Variants in QSOX2 observed in about 807,000 individuals in gnomAD.
QSOX2 encodes the protein quiescin sulfhydryl oxidase 2.
A neutral mutation model predicts 61.7 loss-of-function variants in QSOX2; 46 were observed. The observed-to-expected ratio is 0.75, with a 90% CI of 0.59 to 0.95. QSOX2 has a LOEUF of 0.95. Among genes scored for constraint, QSOX2 ranks in the 40% least tolerant of loss-of-function variants. The probability of loss-of-function intolerance (pLI) is 0.00; values close to 1 mark genes in which losing one functional copy is unlikely to be tolerated. For missense variants in QSOX2, 879 were observed against 918.9 expected (o/e 0.96, Z 0.56); for synonymous variants, 383 against 388.4 (o/e 0.99, Z 0.16).
At chr9:136,220,359 G>A (rs534969442) in intron 6 of QSOX2, among the ~76,000 whole-genome samples, 8 of 152,298 alleles carry the variant, frequency 5.3e-5, no homozygotes, top group Admixed American at 3.3e-4. Context: ...AAGAAACTGC[G>A]GTGTTCTGGG....
In QSOX2 at chr9:136,209,962, C is replaced by G; in HGVS notation, c.1550-687G>C. ...CCTAGCTCTCGGAGCCCCTGCGACC[C>G]GACTTGCTGACACCTGGCCACCCTC... is the stretch of plus-strand genomic sequence containing the variant. On this transcript the variant is annotated intron_variant, in intron 11 of 11. Transcript: ENST00000358701. The surrounding 1 kb of genome is among the most constrained non-coding windows in gnomAD (Gnocchi z 5.6). 1.0e-6 allele frequency: 1 copy of G among 985,440 alleles called. No homozygotes were observed. Among genetic ancestry groups the G allele is most frequent in the Non-Finnish European group, 1.2e-6 (1 of 829,928 alleles). The allele number at this position is 985,440 out of a possible 1,614,324, so 61.0% of individuals were successfully genotyped here.
chr9:136,231,266 G>A (rs1830327197), intron 1 of QSOX2, among the ~76,000 whole-genome samples: 1 of 152,180 alleles, frequency 6.6e-6, no homozygotes, highest in Non-Finnish European at 1.5e-5. Flanking sequence ...ACTCCGACTA[G>A]CGTGTGACCA....
rs777754229 is a variant in QSOX2, at chr9:136,218,758, C to G, written c.1007G>C (p.Arg336Pro). 6.2e-7 allele frequency: 1 copy of G among 1,613,662 alleles called. No homozygotes were observed. The highest frequency in any genetic ancestry group is 8.5e-7 in the Non-Finnish European group (1 of 1,180,028). ...DLESGLHYLL[R>P]VELAAHKSLA... ...GGACTTGTGGGCTGCCAGCTCCACC[C>G]GCAGGAGGTAGTGTAGCCCTGACTC... Residue 336 changes from arginine (R) to proline (P), a missense_variant, in exon 8 of 12, where the codon CGG (arginine) becomes CCG (proline). Coordinates refer to ENST00000358701, the MANE Select transcript of QSOX2 (RefSeq NM_181701.4).
chr9:136,239,228 G>A (rs1830415546), intron 1 of QSOX2, among the ~76,000 whole-genome samples: 2 of 152,228 alleles, frequency 1.3e-5, no homozygotes, highest in Admixed American at 1.3e-4. Context: ...CGTCACCCAG[G>A]CTGGAGTACA....
At position 136,218,748 on chromosome 9, in the gene QSOX2, C is replaced by T; in HGVS notation, c.1017G>A (p.Leu339=). 6.2e-7 allele frequency: 1 copy of T among 1,613,710 alleles called. No individual in the cohort carries two copies. Among genetic ancestry groups the T allele is most frequent in the Non-Finnish European group, 8.5e-7 (1 of 1,180,030 alleles). The change falls in exon 8 of 12, where the codon CTG becomes CTA. Residue 339 remains leucine, a synonymous_variant. Transcript: ENST00000358701. ...SGLHYLLRVE[L]AAHKSLAGAE... ...CTCCGGCCAGGGACTTGTGGGCTGC[C>T]AGCTCCACCCGCAGGAGGTAGTGTA... is the stretch of plus-strand genomic sequence containing the variant.
chr9:136,213,243 G>GT (rs398046934), intron 10 of QSOX2, among the ~76,000 whole-genome samples: 3,072 of 110,944 alleles, frequency 0.028, 85 homozygotes, highest in African/African-American at 0.061. Context: ...GTTTTGTTGT[G>GT]TTTTTTTTTT....
chr9:136,211,015 A>C, intron 11 of QSOX2: 1 of 615,878 alleles, frequency 1.6e-6, no homozygotes, highest in Non-Finnish European at 2.0e-6. Context: ...AGCCACACCC[A>C]TTTCCACGGG....
In QSOX2 at chr9:136,216,701, C is replaced by T; in HGVS notation, c.1108G>A (p.Val370Ile). 6.2e-7 allele frequency: 1 copy of T among 1,613,790 alleles called. No homozygotes were observed. The highest frequency in any genetic ancestry group is 8.5e-7 in the Non-Finnish European group (1 of 1,179,974). ...TGCAGCATCTCCAACAGCTTCTTGA[C>T]TGGCGGCCGTCCAGGGAACAGCTGC... ...LAKLFPGRPP[V>I]KKLLEMLQEW... Residue 370 changes from valine (V) to isoleucine (I), a missense_variant, in exon 9 of 12, where the codon GTC (valine) becomes ATC (isoleucine). By Grantham distance (29) the Val-to-Ile change is conservative (BLOSUM62 3). Coordinates refer to ENST00000358701, the MANE Select transcript of QSOX2 (RefSeq NM_181701.4).
intron 1 of QSOX2, among the ~76,000 whole-genome samples, chr9:136,228,968 A>G (rs557896613): frequency 7.2e-5 from 11 of 152,364 alleles, no homozygotes; most frequent in Admixed American, 5.9e-4. Flanking sequence ...GAGACGGAAC[A>G]TATCACCAGA....
At chr9:136,216,527 A>C in intron 9 of QSOX2, 73 bp downstream of exon 9, 1 of 1,581,804 alleles carries the variant, frequency 6.3e-7, no homozygotes, top group South Asian at 1.1e-5. Flanking sequence ...AGGGAGATGC[A>C]CCAGCTAAGG....
chr9:136,216,572 C>T (rs1241598162), intron 9 of QSOX2, 28 bp downstream of exon 9: 11 of 1,611,552 alleles, frequency 6.8e-6, no homozygotes, highest in South Asian at 2.2e-5. Context: ...GAGGGTGCAG[C>T]GTGGCTGGCG....
At chr9:136,212,692 T>G (rs1831861663) in intron 10 of QSOX2, among the ~76,000 whole-genome samples, 1 of 152,212 alleles carries the variant, frequency 6.6e-6, no homozygotes, top group Admixed American at 6.5e-5. Context: ...CATCTCCACG[T>G]AATCCCCCTC....
Position 136,223,760 on chromosome 9 carries a change from T to C in QSOX2, c.675+3A>G, listed in dbSNP as rs751132653. ...ACACCTGGAGCCCACGCAGAGGCCG[T>C]ACCTCCCGTCCAAGGTAGGAGCTGT... On this transcript the variant is annotated splice_donor_region_variant and intron_variant, in intron 5 of 11. Coordinates refer to ENST00000358701, the MANE Select transcript of QSOX2 (RefSeq NM_181701.4). This position sits in a 1 kb window ranked among gnomAD's most constrained non-coding sequence, Gnocchi z 4.4. 1.9e-6 allele frequency: 3 copies of C among 1,613,392 alleles called. No individual in the cohort carries two copies. Among genetic ancestry groups the C allele is most frequent in the Non-Finnish European group, 2.5e-6 (3 of 1,179,596 alleles).
chr9:136,235,429 G>A (rs1245266757), intron 1 of QSOX2, among the ~76,000 whole-genome samples: 1 of 152,238 alleles, frequency 6.6e-6, no homozygotes, highest in Non-Finnish European at 1.5e-5. Flanking sequence ...GGCTGGCAGG[G>A]CAGAAGGGGA....
Position 136,211,335 on chromosome 9 carries a change from G to T in QSOX2, c.1478C>A (p.Ser493Ter). ...FEEMAKESMDSVKTPDQAILW... is the reference protein window; with the variant it reads ...FEEMAKESMD ...GATGGCTTGGTCTGGGGTTTTCACCGAGTCCATGGATTCTTTAGCCATTTC... is the reference window on the plus strand; with the variant it reads ...GATGGCTTGGTCTGGGGTTTTCACCTAGTCCATGGATTCTTTAGCCATTTC... Residue 493 changes from serine (S) to a stop codon, truncating the protein, a stop_gained, in exon 11 of 12, where the codon TCG becomes TAG. Transcript: ENST00000358701. LOFTEE classifies it high-confidence loss of function. 2 of 1,614,182 alleles carry T rather than the reference G, an allele frequency of 1.2e-6. No homozygotes were observed. Among genetic ancestry groups the T allele is most frequent in the Non-Finnish European group, 1.7e-6 (2 of 1,180,034 alleles).
chr9:136,227,857 C>A (rs1830296372), intron 1 of QSOX2, among the ~76,000 whole-genome samples: 1 of 152,006 alleles, frequency 6.6e-6, no homozygotes, highest in African/African-American at 2.4e-5. Flanking sequence ...CGCACACCTG[C>A]GGTCCCAGCT....
At chr9:136,224,370 G>A (rs993360790) in intron 3 of QSOX2, among the ~76,000 whole-genome samples, 2 of 152,224 alleles carry the variant, frequency 1.3e-5, no homozygotes, top group African/African-American at 4.8e-5. Context: ...AACAGAGGCA[G>A]ATGGCAAGAC....
intron 1 of QSOX2, among the ~76,000 whole-genome samples, chr9:136,243,220 G>C (rs1426166794): frequency 1.3e-5 from 2 of 152,202 alleles, no homozygotes; most frequent in Non-Finnish European, 2.9e-5. Context: ...AAATGGTCCT[G>C]CAAAGCTGTC....
In QSOX2 at chr9:136,208,699, T is replaced by G. The variant is rs770648311; in HGVS notation, c.*29A>C. On this transcript the variant is annotated 3_prime_UTR_variant, in exon 12 of 12. Transcript: ENST00000358701. Reference sequence around the variant, plus strand: ...GGGGCAGGGCTGCCTCCAAGGGAGCTTCCGCCGTGGCTGGCAGCACCCGGG... The same window carrying G: ...GGGGCAGGGCTGCCTCCAAGGGAGCGTCCGCCGTGGCTGGCAGCACCCGGG... 5.1e-6 allele frequency: 8 copies of G among 1,582,092 alleles called. No individual in the cohort carries two copies. The South Asian group carries it at 9.2e-5, about 18-fold the overall frequency.
Sources: allele counts gnomAD v4.1 joint callset (sites outside exome capture counted in the v4.1 genomes callset), GRCh38; gene constraint gnomAD v4.1.1; non-coding constraint Gnocchi (gnomAD v3.1); transcripts MANE v1.5; gene names NCBI Gene and HGNC (gene_info 2026-07-23, HGNC 2026-07-21).